Variants in POLK observed in about 807,000 individuals in gnomAD.
The protein encoded by POLK is DNA polymerase kappa.
In POLK, 76 loss-of-function variants were observed where a neutral mutation model predicts 94.0. The observed-to-expected ratio is 0.81, with a 90% confidence interval of 0.67 to 0.98. The LOEUF (loss-of-function observed/expected upper bound fraction) is 0.98. Ranked by LOEUF, POLK falls within the 50% of genes least tolerant of loss-of-function variation. The pLI, the probability that POLK is intolerant of heterozygous loss-of-function variation, is 0.00. For synonymous variants in POLK, 349 were observed against 325.4 expected (o/e 1.07, Z -0.78); for missense variants, 954 against 1,010.1 (o/e 0.94, Z 0.75).
rs1483481253 is a variant in POLK, at chr5:75,594,106, T to C, written c.1528+57T>C. 6 of 1,353,944 alleles carry C rather than the reference T, an allele frequency of 4.4e-6. No individual in the cohort carries two copies. In the Admixed American group the frequency reaches 1.3e-4, roughly 30 times the overall value. 83.9% of individuals were successfully genotyped at this position (1,353,944 alleles called of 1,614,324 possible). On this transcript the variant is annotated intron_variant, in intron 12 of 14. Transcript: ENST00000241436. ...AAATCTGCTAGATTTTCCCAAATAA[T>C]CAACTTTGGGAATACAGGGGGCCCC...
At chr5:75,580,765 A>C (rs972553426) in intron 6 of POLK, among the ~76,000 whole-genome samples, 2 of 151,372 alleles carry the variant, frequency 1.3e-5, no homozygotes, top group East Asian at 3.9e-4. Context: ...TCTAAAAACA[A>C]AACTTATTTT....
At chr5:75,539,810 T>C (rs1422258171) in intron 1 of POLK, among the ~76,000 whole-genome samples, 1 of 152,264 alleles carries the variant, frequency 6.6e-6, no homozygotes, top group Non-Finnish European at 1.5e-5. Context: ...AAGTTTACTA[T>C]GAGCTTTCCC....
intron 5 of POLK, among the ~76,000 whole-genome samples, chr5:75,575,962 A>C (rs1261817000): frequency 6.6e-6 from 1 of 152,148 alleles, no homozygotes; most frequent in African/African-American, 2.4e-5. Context: ...CAAGCTGGAA[A>C]ATATGCATAT....
upstream of POLK, chr5:75,511,594 G>T: frequency 6.8e-7 from 1 of 1,465,804 alleles, no homozygotes; most frequent in Non-Finnish European, 9.0e-7. Flanking sequence ...TCACACCTCC[G>T]CTACCGCCGC....
chr5:75,580,557 C>A, intron 6 of POLK: 1 of 830,730 alleles, frequency 1.2e-6, no homozygotes, highest in Non-Finnish European at 1.5e-6. Flanking sequence ...TCCAATCAGA[C>A]CTTCAGAATT....
At chr5:75,546,043 A>T (rs1305013383) in intron 1 of POLK, among the ~76,000 whole-genome samples, 1 of 152,138 alleles carries the variant, frequency 6.6e-6, no homozygotes, top group East Asian at 1.9e-4. Flanking sequence ...GATAGTACAG[A>T]TGACCTTTGA....
chr5:75,555,343 C>A (rs367775219), intron 3 of POLK, among the ~76,000 whole-genome samples: 1 of 116,690 alleles, frequency 8.6e-6, no homozygotes, highest in Non-Finnish European at 1.9e-5. Context: ...AATCACTGAC[C>A]TTTTTACTAT....
At chr5:75,522,259 G>A (rs981865002) in intron 1 of POLK, among the ~76,000 whole-genome samples, 3 of 152,212 alleles carry the variant, frequency 2.0e-5, no homozygotes, top group Admixed American at 6.5e-5. Context: ...GTGTCAGGCA[G>A]GTTGTGGGGA....
rs5744623 is a variant in POLK, at chr5:75,554,621, C to G, written c.255+2030C>G. Among the ~76,000 whole-genome samples, 659 of 152,102 alleles carry G rather than the reference C, an allele frequency of 4.3e-3. 7 individuals are homozygous for G. Among genetic ancestry groups the G allele is most frequent in the African/African-American group, 0.015 (642 of 41,488 alleles). ...CACCCAGGCATTAAGCGTAGTACCA[C>G]TCATTAGTTATTCTTCCTGATCCTC... On this transcript the variant is annotated intron_variant, in intron 3 of 14. Coordinates refer to ENST00000241436, the Ensembl canonical transcript of POLK.
intron 2 of POLK, among the ~76,000 whole-genome samples, chr5:75,551,781 T>C (rs1457706308): frequency 6.6e-6 from 1 of 152,180 alleles, no homozygotes; most frequent in East Asian, 1.9e-4. Flanking sequence ...TTTAAAATGG[T>C]TCAACCACTT....
chr5:75,573,731 C>CT lies in POLK; in HGVS notation c.409-4dup. 1.2e-6 allele frequency: 2 copies of CT among 1,611,188 alleles called. No individual in the cohort carries two copies. On this transcript the variant is annotated splice_region_variant and splice_polypyrimidine_tract_variant and intron_variant, in intron 4 of 14. Coordinates refer to ENST00000241436, the Ensembl canonical transcript of POLK. ...TATTTTTTTCCATGTGGTCAATTTT[C>CT]TTTCAGTCTACTTCAAATTACCATG...
intron 11 of POLK, among the ~76,000 whole-genome samples, chr5:75,591,918 G>A (rs1772810370): frequency 6.6e-6 from 1 of 152,136 alleles, no homozygotes. Context: ...TGATGTCATG[G>A]TTGATATTAA....
At chr5:75,558,396 G>A (rs1309086251) in intron 3 of POLK, among the ~76,000 whole-genome samples, 1 of 151,940 alleles carries the variant, frequency 6.6e-6, no homozygotes, top group Non-Finnish European at 1.5e-5. Context: ...CTTAAATGGT[G>A]TTATGTTTTC....
chr5:75,529,988 A>C (rs1271264393), intron 1 of POLK, among the ~76,000 whole-genome samples: 1 of 152,050 alleles, frequency 6.6e-6, no homozygotes, highest in African/African-American at 2.4e-5. Context: ...AACAACAAAA[A>C]CTTTCCTTTT....
exon 6 of POLK, chr5:75,576,905 C>A: frequency 6.4e-7 from 1 of 1,557,408 alleles, no homozygotes; most frequent in Non-Finnish European, 8.6e-7. Context: ...GAAGGTATTT[C>A]ATCAAAATGG....
upstream of POLK, chr5:75,511,568 T>C: frequency 1.4e-6 from 2 of 1,458,794 alleles, no homozygotes; most frequent in Non-Finnish European, 1.8e-6. Context: ...ATCCGGCCGC[T>C]GAGTCCCGCG....
intron 12 of POLK, 48 bp from the exon 13 acceptor site, chr5:75,596,174 G>T: frequency 9.5e-7 from 1 of 1,057,974 alleles, no homozygotes; most frequent in South Asian, 1.5e-5. Flanking sequence ...CATTGTGAGT[G>T]AATTGGCTTT....
At chr5:75,564,887 T>C (rs1771184546) in intron 3 of POLK, among the ~76,000 whole-genome samples, 1 of 152,210 alleles carries the variant, frequency 6.6e-6, no homozygotes, top group Non-Finnish European at 1.5e-5. Context: ...AGGAGTATCT[T>C]GTGTTTTTCT....
At chr5:75,510,810 G>A (rs1407839170), upstream of POLK, among the ~76,000 whole-genome samples, 1 of 152,094 alleles carries the variant, frequency 6.6e-6, no homozygotes, top group African/African-American at 2.4e-5. Flanking sequence ...AGCCCAACCC[G>A]GATTCCTTAC....
Sources: allele counts gnomAD v4.1 joint callset (sites outside exome capture counted in the v4.1 genomes callset), GRCh38; gene constraint gnomAD v4.1.1; transcripts MANE v1.5; gene names NCBI Gene and HGNC (gene_info 2026-07-23, HGNC 2026-07-21).